The following CA10 variants were observed in gnomAD, a reference collection of about 807,000 sequenced individuals.
The protein encoded by CA10 is carbonic anhydrase-related protein 10.
In CA10, 14 loss-of-function variants were observed where a neutral mutation model predicts 44.2. That is an observed-to-expected ratio of 0.32 (90% confidence interval 0.21 to 0.50). CA10 has a LOEUF of 0.50. Ranked by LOEUF, CA10 falls within the 20% of genes least tolerant of loss-of-function variation. The probability of loss-of-function intolerance (pLI) is 0.99; values close to 1 mark genes in which losing one functional copy is unlikely to be tolerated. For missense variants in CA10, 350 were observed against 409.7 expected (o/e 0.85, Z 1.26); for synonymous variants, 159 against 141.6 (o/e 1.12, Z -0.87).
intron 2 of CA10, among the ~76,000 whole-genome samples, chr17:51,943,074 T>C (rs1472269951): frequency 6.6e-6 from 1 of 152,168 alleles, no homozygotes. Flanking sequence ...TTCATTTCAA[T>C]ACCCCCAATA....
chr17:51,679,469 G>A (rs531206019), intron 4 of CA10, among the ~76,000 whole-genome samples: 11 of 151,914 alleles, frequency 7.2e-5, no homozygotes, highest in East Asian at 5.8e-4. Context: ...CACCGTGTTA[G>A]CCAGGATGGT....
At chr17:51,642,845 G>A (rs1913147489) in intron 6 of CA10, among the ~76,000 whole-genome samples, 1 of 152,056 alleles carries the variant, frequency 6.6e-6, no homozygotes, top group Admixed American at 6.5e-5. Flanking sequence ...GTTTCACCAT[G>A]GTGGCCAGGC....
intron 2 of CA10, among the ~76,000 whole-genome samples, chr17:51,982,740 A>G (rs1441143136): frequency 6.6e-6 from 1 of 151,838 alleles, no homozygotes; most frequent in Non-Finnish European, 1.5e-5. Context: ...TACATCATCA[A>G]CTTTAGGTAT....
chr17:52,139,733 A>T (rs952744830), intron 1 of CA10, among the ~76,000 whole-genome samples: 2 of 152,170 alleles, frequency 1.3e-5, no homozygotes, highest in Non-Finnish European at 2.9e-5. Flanking sequence ...ACATCTTAAC[A>T]GCTGTGTGCT....
intron 2 of CA10, among the ~76,000 whole-genome samples, chr17:52,051,712 C>G (rs975520224): frequency 2.6e-5 from 4 of 152,070 alleles, no homozygotes; most frequent in Admixed American, 1.3e-4. Flanking sequence ...TTGTGGAAGA[C>G]AGTGTGGCAA....
chr17:51,773,373 G>T (rs1458337589), intron 3 of CA10, among the ~76,000 whole-genome samples: 1 of 152,200 alleles, frequency 6.6e-6, no homozygotes, highest in Non-Finnish European at 1.5e-5. Flanking sequence ...GTCTCTTAGA[G>T]ACAGGGGATG....
At chr17:51,902,671 G>A (rs760435410) in intron 3 of CA10, among the ~76,000 whole-genome samples, 3 of 152,112 alleles carry the variant, frequency 2.0e-5, no homozygotes, top group Non-Finnish European at 4.4e-5. Flanking sequence ...AGCTATCTAA[G>A]ATATTTATGG....
intron 3 of CA10, among the ~76,000 whole-genome samples, chr17:51,865,373 T>G (rs1979496234): frequency 6.6e-6 from 1 of 152,206 alleles, no homozygotes; most frequent in Non-Finnish European, 1.5e-5. Context: ...AGGTGTTCAA[T>G]AAAAATGTGC....
At position 51,635,395 on chromosome 17, in the gene CA10, C is replaced by T. The variant is rs866721620; in HGVS notation, c.789+460G>A. Among the ~76,000 whole-genome samples, 48 of 152,180 alleles carry T rather than the reference C, an allele frequency of 3.2e-4. No homozygotes were observed. In the Middle Eastern group the frequency reaches 0.014, roughly 43 times the overall value. ...GGGCGTGGTGGCACGTGTCTGTAATCCCAGCTACTCAGGAGGCTGAGGCAC... is the reference window on the plus strand; with the variant it reads ...GGGCGTGGTGGCACGTGTCTGTAATTCCAGCTACTCAGGAGGCTGAGGCAC... On this transcript the variant is annotated intron_variant, in intron 7 of 8. Transcript: ENST00000451037.
chr17:51,836,734 A>T (rs1386002414), intron 3 of CA10, among the ~76,000 whole-genome samples: 1 of 152,270 alleles, frequency 6.6e-6, no homozygotes, highest in Non-Finnish European at 1.5e-5. Context: ...GTAAAAAAAT[A>T]ACCGCATATA....
chr17:51,912,520 T>G (rs1004781146), intron 3 of CA10, among the ~76,000 whole-genome samples: 1 of 152,176 alleles, frequency 6.6e-6, no homozygotes, highest in Admixed American at 6.5e-5. Context: ...TTGCCTGCCA[T>G]TTCTCTTCTT....
chr17:52,009,189 GT>G (rs947188701), intron 2 of CA10, among the ~76,000 whole-genome samples: 67 of 151,042 alleles, frequency 4.4e-4, no homozygotes, highest in East Asian at 3.7e-3. Context: ...AATTTTGAAA[GT>G]TTTTTTTTAA....
chr17:52,123,771 C>A (rs1989062281), intron 1 of CA10, among the ~76,000 whole-genome samples: 1 of 152,136 alleles, frequency 6.6e-6, no homozygotes, highest in African/African-American at 2.4e-5. Flanking sequence ...AGACTCAATG[C>A]ATATTTATTG....
At chr17:52,086,182 G>A (rs1461107828) in intron 1 of CA10, among the ~76,000 whole-genome samples, 1 of 152,186 alleles carries the variant, frequency 6.6e-6, no homozygotes. Flanking sequence ...TAAAGTGTAT[G>A]CAATATACAA....
intron 3 of CA10, among the ~76,000 whole-genome samples, chr17:51,764,240 C>T (rs1163971124): frequency 6.6e-6 from 1 of 152,172 alleles, no homozygotes; most frequent in African/African-American, 2.4e-5. Context: ...AGGCTCTGAG[C>T]TGCATCTCCT....
intron 3 of CA10, among the ~76,000 whole-genome samples, chr17:51,831,139 G>A (rs1351197422): frequency 2.0e-5 from 3 of 152,158 alleles, no homozygotes; most frequent in Non-Finnish European, 4.4e-5. Context: ...ATTCCAGCAC[G>A]TGCAGAACTG....
chr17:52,111,774 C>T (rs1988793522), intron 1 of CA10, among the ~76,000 whole-genome samples: 1 of 152,110 alleles, frequency 6.6e-6, no homozygotes, highest in Non-Finnish European at 1.5e-5. Context: ...GTTCAGTGCT[C>T]CTGGCTCTAC....
intron 3 of CA10, among the ~76,000 whole-genome samples, chr17:51,766,480 C>T (rs1445572017): frequency 6.6e-6 from 1 of 152,120 alleles, no homozygotes; most frequent in Non-Finnish European, 1.5e-5. Flanking sequence ...CTCCTGGGGT[C>T]AGGTTCAAGT....
intron 1 of CA10, among the ~76,000 whole-genome samples, chr17:52,076,446 T>A (rs1005740141): frequency 6.6e-6 from 1 of 152,194 alleles, no homozygotes; most frequent in African/African-American, 2.4e-5. Context: ...ATTGTAATAG[T>A]AGAACTGCAG....
Sources: allele counts gnomAD v4.1 joint callset (sites outside exome capture counted in the v4.1 genomes callset), GRCh38; gene constraint gnomAD v4.1.1; transcripts MANE v1.5; gene names NCBI Gene and HGNC (gene_info 2026-07-23, HGNC 2026-07-21).